Variants in TIAM1 observed in about 807,000 individuals in gnomAD.
The protein encoded by TIAM1 is TIAM Rac1 associated GEF 1, also known as rho guanine nucleotide exchange factor TIAM1.
TIAM1 carries 65 observed loss-of-function variants against 163.5 expected under a neutral mutation model. The ratio of observed to expected loss-of-function variants is 0.40; its 90% CI spans 0.33 to 0.49. The LOEUF (loss-of-function observed/expected upper bound fraction) is 0.49, where lower values mean the gene tolerates loss of function less well. TIAM1 is among the 20% of genes least tolerant of loss of function. TIAM1 has a pLI of 0.77. For missense variants in TIAM1, 1,789 were observed against 2,044.7 expected (o/e 0.87, Z 2.41); for synonymous variants, 833 against 810.1 (o/e 1.03, Z -0.48).
chr21:31,514,733 T>A (rs1373607352), intron 1 of TIAM1, among the ~76,000 whole-genome samples: 1 of 152,160 alleles, frequency 6.6e-6, no homozygotes, highest in Admixed American at 6.5e-5. Context: ...ACAACCACAG[T>A]CCTCCAAACC....
intron 2 of TIAM1, among the ~76,000 whole-genome samples, chr21:31,447,573 A>C (rs2044673211): frequency 6.6e-6 from 1 of 152,202 alleles, no homozygotes; most frequent in African/African-American, 2.4e-5. Flanking sequence ...AGTGATCTGA[A>C]TGTGTTAAAA....
At chr21:31,234,152 G>A (rs2088602648) in intron 6 of TIAM1, among the ~76,000 whole-genome samples, 1 of 152,060 alleles carries the variant, frequency 6.6e-6, no homozygotes, top group African/African-American at 2.4e-5. Flanking sequence ...AAAGCACACA[G>A]GAGAAAATGT....
At chr21:31,139,133 C>T (rs2082734593) in intron 22 of TIAM1, among the ~76,000 whole-genome samples, 1 of 152,166 alleles carries the variant, frequency 6.6e-6, no homozygotes, top group African/African-American at 2.4e-5. Flanking sequence ...GCCATATTCC[C>T]TTTTACAGTC....
intron 3 of TIAM1, among the ~76,000 whole-genome samples, chr21:31,273,476 C>A (rs1288716705): frequency 6.6e-6 from 1 of 152,188 alleles, no homozygotes; most frequent in African/African-American, 2.4e-5. Context: ...CTCAGACTAA[C>A]CCCTGAGTGG....
At chr21:31,539,500 C>G (rs916799416) in intron 1 of TIAM1, among the ~76,000 whole-genome samples, 1 of 151,860 alleles carries the variant, frequency 6.6e-6, no homozygotes, top group South Asian at 2.1e-4. Flanking sequence ...CTCCTGACCT[C>G]GTGATCCGCC....
chr21:31,253,061 G>A lies in TIAM1; in HGVS notation c.964-872C>T, dbSNP rs115273664. Among the ~76,000 whole-genome samples the A allele has an allele frequency of 9.3e-3, 1,417 of 152,338 alleles. 21 individuals are homozygous for A. The highest frequency in any genetic ancestry group is 0.028 in the African/African-American group (1,159 of 41,576). On this transcript the variant is annotated intron_variant, in intron 4 of 27. Coordinates refer to ENST00000541036, the MANE Select transcript of TIAM1 (RefSeq NM_001353694.2). ...CTGCTCTGAAGCTGAACATTTCCGG[G>A]ACAGACAGGTCTGTTCTGAAATCAG...
At chr21:31,196,335 G>C (rs913061333) in intron 12 of TIAM1, among the ~76,000 whole-genome samples, 1 of 148,534 alleles carries the variant, frequency 6.7e-6, no homozygotes, top group Admixed American at 6.7e-5. Flanking sequence ...TTTTTCACAC[G>C]GAGTGTTGCT....
At chr21:31,277,731 T>C (rs2073363259) in intron 2 of TIAM1, among the ~76,000 whole-genome samples, 1 of 152,048 alleles carries the variant, frequency 6.6e-6, no homozygotes, top group South Asian at 2.1e-4. Context: ...ATTCTTTTAT[T>C]CCTTCACTTT....
At chr21:31,437,823 G>A (rs1198556008) in intron 2 of TIAM1, among the ~76,000 whole-genome samples, 5 of 152,062 alleles carry the variant, frequency 3.3e-5, no homozygotes, top group African/African-American at 1.2e-4. Flanking sequence ...GTATAGCCTG[G>A]AGCACCATAA....
In TIAM1 at chr21:31,154,389, T is replaced by C. The variant is rs200356631; in HGVS notation, c.3029A>G (p.His1010Arg). Reference sequence around the variant, plus strand: ...GCTCTGGTCAGAGGGGTTCATCTCATGCAAACTGCGGCAAAATGCGGCCAC... The same window carrying C: ...GCTCTGGTCAGAGGGGTTCATCTCACGCAAACTGCGGCAAAATGCGGCCAC... Reference protein sequence around the residue: ...EQVAAFCRSLHEMNPSDQSPS... With the variant: ...EQVAAFCRSLREMNPSDQSPS... The change falls in exon 17 of 28, where the codon CAT (histidine) becomes CGT (arginine). Residue 1010 changes from histidine to arginine, a missense_variant. His to Arg is a conservative substitution (Grantham distance 29). Coordinates refer to ENST00000541036, the MANE Select transcript of TIAM1 (RefSeq NM_001353694.2). 2.5e-6 allele frequency: 4 copies of C among 1,613,946 alleles called. No homozygotes were observed. The highest frequency in any genetic ancestry group is 3.3e-5 in the Admixed American group (2 of 59,988).
intron 16 of TIAM1, among the ~76,000 whole-genome samples, chr21:31,162,238 T>C (rs1257475299): frequency 2.0e-5 from 3 of 152,192 alleles, no homozygotes; most frequent in Admixed American, 1.3e-4. Context: ...CAGATAATAG[T>C]ATCTCCCTCA....
rs1335071253 is a variant in TIAM1, at chr21:31,210,584, AAGAAAGAAAG to A, written c.2218-379_2218-370del. 2.3e-3 allele frequency among the ~76,000 whole-genome samples: 278 copies of A among 118,428 alleles called. 6 individuals are homozygous for A. Among genetic ancestry groups the A allele is most frequent in the African/African-American group, 0.011 (254 of 23,258 alleles). 77.7% of individuals were successfully genotyped at this position (118,428 alleles called of 152,430 possible). ...AAAGAAAGAAAGAAAGAAAGAAAGA[AAGAAAGAAAG>A]AGAGAAAGAAGGAAGGAAGGGAGAA... On this transcript the variant is annotated intron_variant, in intron 10 of 27. Transcript: ENST00000541036.
At chr21:31,374,648 C>T (rs2076654269) in intron 2 of TIAM1, among the ~76,000 whole-genome samples, 1 of 152,204 alleles carries the variant, frequency 6.6e-6, no homozygotes, top group African/African-American at 2.4e-5. Flanking sequence ...CCACCCATCA[C>T]GCTGCTCCTG....
chr21:31,372,413 G>A (rs2076610765), intron 2 of TIAM1, among the ~76,000 whole-genome samples: 1 of 152,248 alleles, frequency 6.6e-6, no homozygotes, highest in Non-Finnish European at 1.5e-5. Context: ...TGAACTGAGT[G>A]CCCAGTAGGA....
At chr21:31,280,502 T>G (rs975448168) in intron 2 of TIAM1, among the ~76,000 whole-genome samples, 5 of 152,190 alleles carry the variant, frequency 3.3e-5, no homozygotes, top group Non-Finnish European at 7.3e-5. Flanking sequence ...CTGGGGTATG[T>G]GTTTATCAGC....
chr21:31,280,027 T>TGC (rs995388208), intron 2 of TIAM1, among the ~76,000 whole-genome samples: 1 of 149,432 alleles, frequency 6.7e-6, no homozygotes, highest in African/African-American at 2.6e-5. Flanking sequence ...CACACACGCG[T>TGC]GCGCGCACAC....
At chr21:31,153,964 T>G (rs1412386670) in intron 17 of TIAM1, among the ~76,000 whole-genome samples, 3 of 151,838 alleles carry the variant, frequency 2.0e-5, no homozygotes, top group Middle Eastern at 3.4e-3. Flanking sequence ...CTCAGGAGGC[T>G]GAGGAGGGAG....
chr21:31,406,637 G>C (rs2077252125), intron 2 of TIAM1, among the ~76,000 whole-genome samples: 1 of 152,082 alleles, frequency 6.6e-6, no homozygotes, highest in Admixed American at 6.6e-5. Flanking sequence ...GGAAGAATCT[G>C]CATGTTACTA....
intron 3 of TIAM1, among the ~76,000 whole-genome samples, chr21:31,268,664 T>A (rs1018130673): frequency 6.6e-6 from 1 of 152,202 alleles, no homozygotes; most frequent in East Asian, 1.9e-4. Flanking sequence ...GCAAGTAGAT[T>A]TCAAAGCAAT....
Sources: gnomAD v4.1 joint callset for allele counts (sites outside exome capture counted in the v4.1 genomes callset) on GRCh38, gnomAD v4.1.1 for gene constraint, MANE v1.5 for transcripts, NCBI Gene and HGNC (gene_info 2026-07-23, HGNC 2026-07-21) for gene names.